NUP62: variants seen among roughly 807,000 people sequenced by gnomAD.
NUP62 encodes nucleoporin 62, also known as nuclear pore glycoprotein p62.
For missense variants in NUP62, 647 were observed against 689.4 expected (o/e 0.94, Z 0.69); for synonymous variants, 305 against 303.4 (o/e 1.01, Z -0.05).
chr19:49,924,288 T>C (rs1331621493), intron 2 of NUP62, among the ~76,000 whole-genome samples: 2 of 152,170 alleles, frequency 1.3e-5, no homozygotes, highest in Admixed American at 1.3e-4. Context: ...CTGAGGCCCC[T>C]TCTTGGCACC....
At chr19:49,911,895 C>G (rs1406168754) in intron 2 of NUP62, among the ~76,000 whole-genome samples, 1 of 152,210 alleles carries the variant, frequency 6.6e-6, no homozygotes, top group Non-Finnish European at 1.5e-5. Flanking sequence ...CCTGGCCCGG[C>G]CTACATCCAT....
At position 49,908,435 on chromosome 19, in the gene NUP62, A is replaced by G; in HGVS notation, c.1373T>C (p.Leu458Pro). 6.2e-7 allele frequency: 1 copy of G among 1,614,110 alleles called. No individual in the cohort carries two copies. Among genetic ancestry groups the G allele is most frequent in the South Asian group, 1.1e-5 (1 of 91,092 alleles). ...GTCGGCGGGGGCCCCGGACGTGTTC[A>G]GGTGCTCGATGATGTCCTTGAGATC... Reference protein sequence around the residue: ...AQDLKDIIEHLNTSGAPADTS... With the variant: ...AQDLKDIIEHPNTSGAPADTS... Residue 458 changes from leucine (L) to proline (P), a missense_variant, in exon 3 of 3, where the codon CTG becomes CCG. Transcript: ENST00000352066.
At chr19:49,924,642 C>A (rs1600560811) in intron 2 of NUP62, among the ~76,000 whole-genome samples, 1 of 152,230 alleles carries the variant, frequency 6.6e-6, no homozygotes, top group Non-Finnish European at 1.5e-5. Context: ...GAAGGGGCCA[C>A]AGGCCTGGGT....
chr19:49,910,324 G>A (rs2075431794), intron 2 of NUP62, among the ~76,000 whole-genome samples: 1 of 152,038 alleles, frequency 6.6e-6, no homozygotes, highest in Non-Finnish European at 1.5e-5. Context: ...CACCCTGAGG[G>A]CCTCTCTGGA....
At chr19:49,924,881 C>G (rs542692187) in intron 2 of NUP62, among the ~76,000 whole-genome samples, 6 of 152,298 alleles carry the variant, frequency 3.9e-5, no homozygotes, top group African/African-American at 1.4e-4. Context: ...GGAGGGGAAG[C>G]AGAGTCCCTG....
chr19:49,907,537 CTTTTTTTT>C lies in NUP62; in HGVS notation c.*694_*701del, dbSNP rs4009637. ...CTAGGCTGCTGTCTCCTGGGAGTTT[CTTTTTTTT>C]TTTTTTTTTTTTTGAGACAGAGTCT... On this transcript the variant is annotated 3_prime_UTR_variant, in exon 3 of 3. Transcript: ENST00000352066. 2.8e-4 allele frequency: 92 copies of C among 332,802 alleles called. No homozygotes were observed. The highest frequency in any genetic ancestry group is 2.9e-4 in the Admixed American group (7 of 24,346). 20.6% of individuals were successfully genotyped at this position (332,802 alleles called of 1,614,324 possible).
intron 1 of NUP62, chr19:49,928,518 C>G (rs1460742381): frequency 9.0e-6 from 1 of 110,498 alleles, no homozygotes; most frequent in African/African-American, 3.1e-5. Context: ...GAGACTCCGT[C>G]TCAAAAAAAA....
chr19:49,924,174 G>A (rs2075829258), intron 2 of NUP62, among the ~76,000 whole-genome samples: 1 of 152,196 alleles, frequency 6.6e-6, no homozygotes, highest in African/African-American at 2.4e-5. Flanking sequence ...AAGCTGTGCA[G>A]CATGGTGGAG....
rs2075364855 is a variant in NUP62, at chr19:49,908,158, C to T, written c.*81G>A. 2.6e-6 allele frequency: 4 copies of T among 1,560,620 alleles called. No homozygotes were observed. Among genetic ancestry groups the T allele is most frequent in the Non-Finnish European group, 2.6e-6 (3 of 1,157,366 alleles). ...AGAAACAAACAAACAAGTATCTTGC[C>T]ACAACCCCAAACTACAGACAACAGG... is the stretch of plus-strand genomic sequence containing the variant. On this transcript the variant is annotated 3_prime_UTR_variant, in exon 3 of 3. Coordinates refer to ENST00000352066, the MANE Select transcript of NUP62 (RefSeq NM_016553.5).
rs1220691234 is a variant in NUP62 at position 49,921,725 on chromosome 19, T to C, written c.-78+5969A>G. Among the ~76,000 whole-genome samples the C allele has an allele frequency of 6.6e-6, 1 of 152,118 alleles. No homozygotes were observed. Among genetic ancestry groups the C allele is most frequent in the Non-Finnish European group, 1.5e-5 (1 of 67,984 alleles). ...GGAGCCTAGGGGTCCCGTGAGGCCCTCCCACCATGGTTCCCCGCCTCTGCC... is the reference window on the plus strand; with the variant it reads ...GGAGCCTAGGGGTCCCGTGAGGCCCCCCCACCATGGTTCCCCGCCTCTGCC... On this transcript the variant is annotated intron_variant, in intron 2 of 2. Transcript: ENST00000352066. The surrounding 1 kb of genome is among the most constrained non-coding windows in gnomAD (Gnocchi z 5.4).
chr19:49,926,175 C>T (rs980004727), intron 2 of NUP62, among the ~76,000 whole-genome samples: 2 of 145,616 alleles, frequency 1.4e-5, no homozygotes, highest in Admixed American at 7.0e-5. Flanking sequence ...TGCCACTGCA[C>T]TCCAGCCTGG....
chr19:49,925,725 G>T (rs934517953), intron 2 of NUP62, among the ~76,000 whole-genome samples: 1 of 152,232 alleles, frequency 6.6e-6, no homozygotes, highest in South Asian at 2.1e-4. Flanking sequence ...CATCAAGTGT[G>T]GTCAGAATCA....
Position 49,921,810 on chromosome 19 carries a change from G to A in NUP62, c.-78+5884C>T, listed in dbSNP as rs1039826736. The stretch of plus-strand genomic sequence containing the variant: ...ATGAGTGCTGGCTGGGCTCAAGCCC[G>A]GGTACTTTCCTCCGTGCCCAAGCAA... On this transcript the variant is annotated intron_variant, in intron 2 of 2. Coordinates refer to ENST00000352066, the MANE Select transcript of NUP62 (RefSeq NM_016553.5). This position sits in a 1 kb window ranked among gnomAD's most constrained non-coding sequence, Gnocchi z 5.4. 3.3e-5 allele frequency among the ~76,000 whole-genome samples: 5 copies of A among 152,194 alleles called. No homozygotes were observed. The highest frequency in any genetic ancestry group is 1.9e-4 in the East Asian group (1 of 5,190).
At chr19:49,923,680 C>T (rs1206302717) in intron 2 of NUP62, among the ~76,000 whole-genome samples, 3 of 152,244 alleles carry the variant, frequency 2.0e-5, no homozygotes, top group Non-Finnish European at 4.4e-5. Context: ...AGGTATTTCA[C>T]GCACATTTAC....
chr19:49,917,328 C>T (rs906557968), intron 2 of NUP62, among the ~76,000 whole-genome samples: 2 of 152,216 alleles, frequency 1.3e-5, no homozygotes, highest in South Asian at 2.1e-4. Context: ...TGGGATTCTC[C>T]GTCTGCAAAC....
intron 2 of NUP62, among the ~76,000 whole-genome samples, chr19:49,920,173 C>T (rs2122717045): frequency 6.6e-6 from 1 of 152,302 alleles, no homozygotes; most frequent in Non-Finnish European, 1.5e-5. Context: ...ACCTCTGCCT[C>T]CCGGGTTCAA....
In NUP62 at chr19:49,907,708, G is replaced by A; in HGVS notation, c.*531C>T. Reference sequence around the variant, plus strand: ...CGTCCACCACACCTGACTAATTTTTGTATTTTTAGTAGAGACGGGGTTTCA... The same window carrying A: ...CGTCCACCACACCTGACTAATTTTTATATTTTTAGTAGAGACGGGGTTTCA... On this transcript the variant is annotated 3_prime_UTR_variant, in exon 3 of 3. Transcript: ENST00000352066. 1 of 344,396 alleles carries A rather than the reference G, an allele frequency of 2.9e-6. No individual in the cohort carries two copies. The highest frequency in any genetic ancestry group is 5.6e-6 in the Non-Finnish European group (1 of 178,442). The allele number at this position is 344,396 out of a possible 1,614,324, so 21.3% of individuals were successfully genotyped here. A position where few individuals can be genotyped will look rare whatever the true frequency, so the allele number is the denominator to read the frequency against.
Position 49,908,355 on chromosome 19 carries a change from G to T in NUP62, c.1453C>A (p.Leu485Met), listed in dbSNP as rs779414081. 1 of 1,614,198 alleles carries T rather than the reference G, an allele frequency of 6.2e-7. No individual in the cohort carries two copies. The highest frequency in any genetic ancestry group is 1.3e-5 in the African/African-American group (1 of 75,060). ...CKILNAHMDS[L>M]QWIDQNSALL... ...GCCGAGTTCTGGTCGATCCACTGCA[G>T]TGAGTCCATGTGCGCATTGAGGATC... Residue 485 changes from leucine (L) to methionine (M), a missense_variant, in exon 3 of 3, where the codon CTG (leucine) becomes ATG (methionine). Leu to Met is a conservative substitution (Grantham distance 15). Coordinates refer to ENST00000352066, the MANE Select transcript of NUP62 (RefSeq NM_016553.5).
In NUP62 at chr19:49,909,214, GGTGGCTGCTGGC is replaced by G. The variant is rs765559333; in HGVS notation, c.582_593del (p.Pro195_Thr198del). 1.5e-5 allele frequency: 25 copies of G among 1,614,152 alleles called. No homozygotes were observed. Among genetic ancestry groups the G allele is most frequent in the Non-Finnish European group, 2.1e-5 (25 of 1,180,028 alleles). ...CAGCTGGCTGTGTGGCACCTGCTGT[GGTGGCTGCTGGC>G]GTGGCCGGAGTGAAGGGCAACGTGG... On this transcript the variant is annotated inframe_deletion, in exon 3 of 3. Coordinates refer to ENST00000352066, the MANE Select transcript of NUP62 (RefSeq NM_016553.5).
Sources: gnomAD v4.1 joint callset for allele counts (sites outside exome capture counted in the v4.1 genomes callset) on GRCh38, gnomAD v4.1.1 for gene constraint, Gnocchi (gnomAD v3.1) non-coding constraint, MANE v1.5 for transcripts, NCBI Gene and HGNC (gene_info 2026-07-23, HGNC 2026-07-21) for gene names.